CNTN4: variants seen among roughly 807,000 people sequenced by gnomAD.
CNTN4 encodes contactin 4.
In CNTN4, 77 loss-of-function variants were observed where a neutral mutation model predicts 122.5. The ratio of observed to expected loss-of-function variants is 0.63; its 90% CI spans 0.52 to 0.76. CNTN4 has a LOEUF of 0.76. Ranked by LOEUF, CNTN4 falls within the 30% of genes least tolerant of loss-of-function variation. CNTN4 has a pLI of 0.00. For synonymous variants in CNTN4, 512 were observed against 447.0 expected (o/e 1.15, Z -1.83); for missense variants, 1,256 against 1,259.1 (o/e 1.00, Z 0.04).
At chr3:2,151,193 G>A (rs141186595) in intron 2 of CNTN4, among the ~76,000 whole-genome samples, 7 of 152,216 alleles carry the variant, frequency 4.6e-5, no homozygotes, top group African/African-American at 1.4e-4. Flanking sequence ...CCAAAGTGCC[G>A]GGATTACAGG....
chr3:2,179,158 G>A (rs558234863), intron 2 of CNTN4, among the ~76,000 whole-genome samples: 8 of 152,018 alleles, frequency 5.3e-5, no homozygotes, highest in South Asian at 2.1e-4. Flanking sequence ...ACAAAGCTGC[G>A]CTGGTGTGGT....
At chr3:2,869,949 T>A (rs1243993390) in intron 8 of CNTN4, among the ~76,000 whole-genome samples, 2 of 152,140 alleles carry the variant, frequency 1.3e-5, no homozygotes, top group East Asian at 3.8e-4. Context: ...TTGTAAGAAA[T>A]CTCTTAAAAA....
chr3:2,824,718 A>G (rs542618466), intron 7 of CNTN4, among the ~76,000 whole-genome samples: 10 of 152,154 alleles, frequency 6.6e-5, no homozygotes, highest in East Asian at 1.9e-4. Context: ...CTGGAGTGCA[A>G]TGGCACAATC....
chr3:2,394,470 A>T (rs145468945), intron 3 of CNTN4, among the ~76,000 whole-genome samples: 4 of 152,308 alleles, frequency 2.6e-5, no homozygotes, highest in Non-Finnish European at 4.4e-5. Context: ...CACATGAAAA[A>T]AGTGCTCACA....
intron 3 of CNTN4, among the ~76,000 whole-genome samples, chr3:2,481,510 AAAAG>A (rs1331237053): frequency 6.6e-6 from 1 of 152,186 alleles, no homozygotes; most frequent in Non-Finnish European, 1.5e-5. Context: ...ACAAATCAAA[AAAAG>A]AATCTAGTCA....
chr3:3,030,757 G>T, intron 15 of CNTN4, 98 bp from the exon 16 acceptor site: 1 of 1,378,398 alleles, frequency 7.3e-7, no homozygotes, highest in Non-Finnish European at 1.0e-6. Context: ...TCATCAGCCA[G>T]TGTAAAATAA....
intron 3 of CNTN4, among the ~76,000 whole-genome samples, chr3:2,342,245 A>G (rs2150373775): frequency 6.6e-6 from 1 of 152,262 alleles, no homozygotes; most frequent in Non-Finnish European, 1.5e-5. Flanking sequence ...GGCTTGGGTC[A>G]TGTTAGGTTA....
intron 13 of CNTN4, among the ~76,000 whole-genome samples, chr3:2,935,712 T>C (rs2094561994): frequency 1.3e-5 from 2 of 152,232 alleles, no homozygotes; most frequent in Non-Finnish European, 2.9e-5. Context: ...AGTTATAAAC[T>C]TCATATTTAC....
chr3:2,757,660 T>C (rs2149662814), intron 6 of CNTN4, among the ~76,000 whole-genome samples: 1 of 152,358 alleles, frequency 6.6e-6, no homozygotes, highest in East Asian at 1.9e-4. Context: ...ATTTGCCTTC[T>C]AGCTGTCATG....
chr3:2,729,942 T>C (rs1385309069), intron 4 of CNTN4, among the ~76,000 whole-genome samples: 1 of 152,102 alleles, frequency 6.6e-6, no homozygotes, highest in African/African-American at 2.4e-5. Context: ...AACTTTAGAA[T>C]GCATAAAGAT....
rs1056022262 is a variant in CNTN4 at position 2,841,981 on chromosome 3, T to TGAA, written c.454+22402_454+22404dup. On this transcript the variant is annotated intron_variant, in intron 7 of 24. Coordinates refer to ENST00000418658, the MANE Select transcript of CNTN4 (RefSeq NM_175607.3). This position sits in a 1 kb window ranked among gnomAD's most constrained non-coding sequence, Gnocchi z 4.8. Reference sequence around the variant, plus strand: ...TTGAAACCAGAAATAAATAAATAAATGAAGCTAGCTGCCCCCATTTTTTTC... The same window carrying TGAA: ...TTGAAACCAGAAATAAATAAATAAATGAAGAAGCTAGCTGCCCCCATTTTTTTC... Among the ~76,000 whole-genome samples the TGAA allele has an allele frequency of 6.6e-6, 1 of 152,140 alleles. No homozygotes were observed. Among genetic ancestry groups the TGAA allele is most frequent in the African/African-American group, 2.4e-5 (1 of 41,432 alleles).
chr3:2,891,122 A>T (rs955151213), intron 10 of CNTN4, among the ~76,000 whole-genome samples: 6 of 152,180 alleles, frequency 3.9e-5, no homozygotes, highest in African/African-American at 1.2e-4. Flanking sequence ...TTAAGCAAAT[A>T]AATTAACTAG....
At chr3:2,551,717 C>G (rs1039632704) in intron 3 of CNTN4, among the ~76,000 whole-genome samples, 1 of 152,102 alleles carries the variant, frequency 6.6e-6, no homozygotes, top group South Asian at 2.1e-4. Flanking sequence ...TGGTGATGTA[C>G]AGAAACATGT....
chr3:2,197,050 G>GAAAA (rs756328918), intron 2 of CNTN4, among the ~76,000 whole-genome samples: 2 of 87,048 alleles, frequency 2.3e-5, no homozygotes, highest in African/African-American at 8.2e-5. Flanking sequence ...GGTCTCACCA[G>GAAAA]AAAAAAAAAA....
intron 4 of CNTN4, among the ~76,000 whole-genome samples, chr3:2,617,961 A>G (rs2081838102): frequency 6.6e-6 from 1 of 152,196 alleles, no homozygotes; most frequent in South Asian, 2.1e-4. Context: ...TTTCCAAGAG[A>G]TGGATGATGA....
chr3:2,834,937 C>T (rs1386522701), intron 7 of CNTN4, among the ~76,000 whole-genome samples: 10 of 58,074 alleles, frequency 1.7e-4, no homozygotes, highest in Non-Finnish European at 2.2e-4. Flanking sequence ...CTGAGTCTCT[C>T]TCTGTCGCCC....
Position 2,874,202 on chromosome 3 carries a change from T to A in CNTN4, c.652+7253T>A, listed in dbSNP as rs2150908935. Among the ~76,000 whole-genome samples, 8 of 152,288 alleles carry A rather than the reference T, an allele frequency of 5.3e-5. 2 individuals carry two copies. The highest frequency in any genetic ancestry group is 5.2e-4 in the Admixed American group (8 of 15,292). On this transcript the variant is annotated intron_variant, in intron 8 of 24. Transcript: ENST00000418658. ...ATTTCAGGTCCATGGGGGCTAAAGG[T>A]CTTGGATGGCCATTTGGCTACTCAG...
intron 4 of CNTN4, among the ~76,000 whole-genome samples, chr3:2,708,443 T>C (rs1443578666): frequency 6.6e-6 from 1 of 152,184 alleles, no homozygotes; most frequent in Admixed American, 6.5e-5. Context: ...ACTCTGTCCA[T>C]TCTTGGAGGG....
intron 2 of CNTN4, among the ~76,000 whole-genome samples, chr3:2,170,324 C>CA (rs1465774643): frequency 1.3e-4 from 19 of 151,274 alleles, no homozygotes; most frequent in Admixed American, 3.3e-4. Flanking sequence ...CGTCTCAAAA[C>CA]AAAAAAACAA....
Sources: allele counts gnomAD v4.1 joint callset (sites outside exome capture counted in the v4.1 genomes callset), GRCh38; gene constraint gnomAD v4.1.1; non-coding constraint Gnocchi (gnomAD v3.1); transcripts MANE v1.5; gene names NCBI Gene and HGNC (gene_info 2026-07-23, HGNC 2026-07-21).